Variants in SMC1B observed in about 807,000 individuals in gnomAD.
SMC1B encodes the protein structural maintenance of chromosomes protein 1B.
In SMC1B, 60 loss-of-function variants were observed where a neutral mutation model predicts 157.9. That is an observed-to-expected ratio of 0.38 (90% CI 0.31 to 0.47). The LOEUF is 0.47. Ranked by LOEUF, SMC1B falls within the 20% of genes least tolerant of loss-of-function variation. SMC1B has a pLI of 0.99. For missense variants in SMC1B, 1,165 were observed against 1,426.2 expected (o/e 0.82, Z 2.95); for synonymous variants, 445 against 483.0 (o/e 0.92, Z 1.03).
chr22:45,411,098 C>T (rs2087327927), intron 1 of SMC1B, among the ~76,000 whole-genome samples: 1 of 152,090 alleles, frequency 6.6e-6, no homozygotes. Flanking sequence ...CCATTTATTC[C>T]ATTAAATTTC....
At chr22:45,390,177 T>C (rs1211159519) in intron 9 of SMC1B, among the ~76,000 whole-genome samples, 1 of 152,048 alleles carries the variant, frequency 6.6e-6, no homozygotes, top group African/African-American at 2.4e-5. Context: ...AATATTCATT[T>C]ATTCCCTGAC....
intron 19 of SMC1B, among the ~76,000 whole-genome samples, chr22:45,356,256 T>G (rs6006998): frequency 0.013 from 1,987 of 152,296 alleles, 50 homozygotes; most frequent in African/African-American, 0.046. Context: ...CAGGGCCTGC[T>G]TGGTCTAAGG....
intron 23 of SMC1B, 61 bp downstream of exon 23, chr22:45,349,667 C>T (rs2086591393): frequency 6.2e-6 from 9 of 1,461,258 alleles, no homozygotes; most frequent in African/African-American, 2.8e-5. Context: ...TTTTCCATTG[C>T]TTGCCTCACA....
chr22:45,354,829 CATTAAT>C lies in SMC1B; in HGVS notation c.3118+124_3118+129del, dbSNP rs2086654148. 5 of 750,862 alleles carry C rather than the reference CATTAAT, an allele frequency of 6.7e-6. No individual in the cohort carries two copies. The South Asian group carries it at 9.4e-5, about 14-fold the overall frequency. 46.5% of individuals were successfully genotyped at this position (750,862 alleles called of 1,614,324 possible). Reference sequence around the variant, plus strand: ...TTAATGATTCAGTATTAAAAGCACACATTAATATAAGACCACAGAGGAAAAAATCTA... The same window carrying C: ...TTAATGATTCAGTATTAAAAGCACACATAAGACCACAGAGGAAAAAATCTA... On this transcript the variant is annotated intron_variant, in intron 20 of 24. Transcript: ENST00000357450.
rs929430835 is a variant in SMC1B at position 45,354,966 on chromosome 22, G to C, written c.3111C>G (p.Ser1037=). ...LKTVRDKFQE[S]TDAFEASRKE... ...GACTACACTCAATTTTACCATCTGT[G>C]GACTCTTGAAACTTGTCTCTGACAG... is the stretch of plus-strand genomic sequence containing the variant. The change falls in exon 20 of 25, where the codon TCC becomes TCG. Residue 1037 remains serine (S), a synonymous_variant. Coordinates refer to ENST00000357450, the MANE Select transcript of SMC1B (RefSeq NM_148674.5). 10 of 1,613,882 alleles carry C rather than the reference G, an allele frequency of 6.2e-6. No individual in the cohort carries two copies. In the African/African-American group the frequency reaches 1.3e-4, roughly 22 times the overall value.
intron 19 of SMC1B, among the ~76,000 whole-genome samples, chr22:45,357,600 G>T (rs961021919): frequency 2.0e-5 from 3 of 149,264 alleles, no homozygotes; most frequent in African/African-American, 7.3e-5. Flanking sequence ...GAAGGGAAAA[G>T]ACTTTCTCAA....
rs1471963277 is a variant in SMC1B, at chr22:45,383,683, A to G, written c.1912-70T>C. ...ATACAAATAAAGACACAATGTGTCAATTTTTAAAGCTAAGAATAAAACATA... is the reference window on the plus strand; with the variant it reads ...ATACAAATAAAGACACAATGTGTCAGTTTTTAAAGCTAAGAATAAAACATA... On this transcript the variant is annotated intron_variant, in intron 11 of 24. Coordinates refer to ENST00000357450, the MANE Select transcript of SMC1B (RefSeq NM_148674.5). 6.1e-6 allele frequency: 8 copies of G among 1,316,434 alleles called. No homozygotes were observed. The African/African-American group carries it at 6.1e-5, about 10-fold the overall frequency. The allele number at this position is 1,316,434 out of a possible 1,614,324, so 81.5% of individuals were successfully genotyped here.
At chr22:45,363,571 C>T (rs1602056236) in intron 15 of SMC1B, among the ~76,000 whole-genome samples, 1 of 152,004 alleles carries the variant, frequency 6.6e-6, no homozygotes, top group Admixed American at 6.6e-5. Flanking sequence ...GTCCCAGCTA[C>T]TCAGTAAGCT....
intron 21 of SMC1B, among the ~76,000 whole-genome samples, chr22:45,353,249 G>A: frequency 7.5e-6 from 1 of 132,776 alleles, no homozygotes; most frequent in Non-Finnish European, 1.6e-5. Flanking sequence ...GCAACAGAGG[G>A]AAACTCTGTC....
intron 20 of SMC1B, 104 bp from the exon 21 acceptor site, chr22:45,354,236 C>T (rs1018362491): frequency 4.6e-5 from 42 of 920,678 alleles, no homozygotes; most frequent in Non-Finnish European, 5.8e-5. Context: ...GAGTTTGGAT[C>T]TCTTGAGTAA....
chr22:45,357,817 T>G (rs1040498028), intron 19 of SMC1B, among the ~76,000 whole-genome samples: 1 of 152,178 alleles, frequency 6.6e-6, no homozygotes, highest in Non-Finnish European at 1.5e-5. Flanking sequence ...TGCAATTTCC[T>G]GAGTGGTAGG....
chr22:45,350,808 G>T (rs2086608013), intron 22 of SMC1B, among the ~76,000 whole-genome samples: 1 of 152,084 alleles, frequency 6.6e-6, no homozygotes. Flanking sequence ...ACCCGTACCT[G>T]TCAGCAAATT....
chr22:45,353,951 T>A (rs754079579), intron 21 of SMC1B, 27 bp downstream of exon 21: 3 of 859,466 alleles, frequency 3.5e-6, no homozygotes, highest in African/African-American at 2.0e-5. Flanking sequence ...GAATTCTCAC[T>A]AGTATTTGAG....
intron 10 of SMC1B, among the ~76,000 whole-genome samples, chr22:45,387,485 C>T (rs986131132): frequency 2.6e-5 from 4 of 152,066 alleles, no homozygotes; most frequent in Non-Finnish European, 2.9e-5. Flanking sequence ...TATGTTATTA[C>T]ATACCATAAA....
chr22:45,395,771 T>C (rs569088979), intron 7 of SMC1B, among the ~76,000 whole-genome samples: 1 of 152,260 alleles, frequency 6.6e-6, no homozygotes, highest in African/African-American at 2.4e-5. Context: ...ACAGGAGAAT[T>C]GCCTGAACCT....
rs2086655349 is a variant in SMC1B, at chr22:45,354,962, C to G, written c.3115G>C (p.Asp1039His). Residue 1039 changes from aspartate to histidine, a missense_variant, in exon 20 of 25, where the codon GAT (aspartate) becomes CAT (histidine). Physicochemically the swap from Asp to His is moderately conservative, Grantham distance 81. Coordinates refer to ENST00000357450, the MANE Select transcript of SMC1B (RefSeq NM_148674.5). ...TVRDKFQESTDAFEASRKEAR... is the reference protein window; with the variant it reads ...TVRDKFQESTHAFEASRKEAR... ...TAGTGACTACACTCAATTTTACCAT[C>G]TGTGGACTCTTGAAACTTGTCTCTG... is the stretch of plus-strand genomic sequence containing the variant. 1 of 1,614,102 alleles carries G rather than the reference C, an allele frequency of 6.2e-7. No homozygotes were observed. Among genetic ancestry groups the G allele is most frequent in the East Asian group, 2.2e-5 (1 of 44,890 alleles).
intron 11 of SMC1B, 74 bp from the exon 12 acceptor site, chr22:45,383,687 T>C: frequency 1.5e-6 from 2 of 1,307,852 alleles, no homozygotes; most frequent in Middle Eastern, 1.9e-4. Context: ...GTGTCAATTT[T>C]TAAAGCTAAG....
Position 45,389,722 on chromosome 22 carries a change from T to C in SMC1B, c.1721A>G (p.Asp574Gly), listed in dbSNP as rs959131481. 3 of 1,613,802 alleles carry C rather than the reference T, an allele frequency of 1.9e-6. No individual in the cohort carries two copies. Among genetic ancestry groups the C allele is most frequent in the Non-Finnish European group, 2.5e-6 (3 of 1,179,782 alleles). Residue 574 changes from aspartate to glycine, a missense_variant, in exon 10 of 25, where the codon GAT (aspartate) becomes GGT (glycine). Transcript: ENST00000357450. ...RAEPETFLAL[D>G]YLDIKPINER... ...TTACAAAGTTCTTACATCAAGGTAA[T>C]CTAGAGCGAGGAATGTCTCAGGTTC...
At chr22:45,352,921 A>G (rs978905284) in intron 21 of SMC1B, among the ~76,000 whole-genome samples, 9 of 152,180 alleles carry the variant, frequency 5.9e-5, no homozygotes, top group African/African-American at 1.4e-4. Flanking sequence ...ACGTTCATCA[A>G]ACATGTACTG....
Sources: gnomAD v4.1 joint callset for allele counts (sites outside exome capture counted in the v4.1 genomes callset) on GRCh38, gnomAD v4.1.1 for gene constraint, MANE v1.5 for transcripts, NCBI Gene and HGNC (gene_info 2026-07-23, HGNC 2026-07-21) for gene names.